Variants in EXOC6B observed in about 807,000 individuals in gnomAD.
EXOC6B encodes the protein SEC15 homolog B.
A neutral mutation model predicts 113.5 loss-of-function variants in EXOC6B; 54 were observed. The observed-to-expected ratio is 0.48, with a 90% CI of 0.38 to 0.60. EXOC6B has a LOEUF of 0.60. Among genes scored for constraint, EXOC6B ranks in the 20% least tolerant of loss-of-function variants. EXOC6B has a pLI of 0.00. For synonymous variants in EXOC6B, 357 were observed against 339.0 expected (o/e 1.05, Z -0.58); for missense variants, 797 against 977.5 (o/e 0.82, Z 2.46).
intron 1 of EXOC6B, among the ~76,000 whole-genome samples, chr2:72,764,233 T>G (rs1222727646): frequency 2.0e-5 from 3 of 152,090 alleles, no homozygotes; most frequent in African/African-American, 7.2e-5. Flanking sequence ...TATACCCCTT[T>G]TAGTTTTTCT....
rs866261786 is a variant in EXOC6B at position 72,236,069 on chromosome 2, C to G, written c.2197-51882G>C. Among the ~76,000 whole-genome samples the G allele has an allele frequency of 2.6e-5, 4 of 152,200 alleles. No individual in the cohort carries two copies. In the South Asian group the frequency reaches 8.3e-4, roughly 32 times the overall value. Reference sequence around the variant, plus strand: ...GATTCCTACTCACATTTTACAGAAACAAAAAGTGATGTCTAGAAGAGTTAA... The same window carrying G: ...GATTCCTACTCACATTTTACAGAAAGAAAAAGTGATGTCTAGAAGAGTTAA... On this transcript the variant is annotated intron_variant, in intron 20 of 21. Coordinates refer to ENST00000272427, the MANE Select transcript of EXOC6B (RefSeq NM_015189.3).
chr2:72,461,410 C>T (rs1427843879), intron 18 of EXOC6B: 1 of 149,418 alleles, frequency 6.7e-6, no homozygotes, highest in East Asian at 2.0e-4. Flanking sequence ...TCTAGGCTTG[C>T]ACTGTACATA....
chr2:72,706,499 G>C (rs1678889417), intron 6 of EXOC6B, among the ~76,000 whole-genome samples: 1 of 152,142 alleles, frequency 6.6e-6, no homozygotes, highest in South Asian at 2.1e-4. Flanking sequence ...AGCCTTCCAA[G>C]TAGCTGGGAC....
Position 72,402,853 on chromosome 2 carries a change from G to T in EXOC6B, c.1981-22983C>A, listed in dbSNP as rs1693430426. 2.0e-5 allele frequency among the ~76,000 whole-genome samples: 3 copies of T among 152,064 alleles called. No individual in the cohort carries two copies. The South Asian group carries it at 6.2e-4, about 32-fold the overall frequency. Reference sequence around the variant, plus strand: ...TGATATTTTCCATTATTTTTGCAAAGACTATATTCCATCATGGATGATCAT... The same window carrying T: ...TGATATTTTCCATTATTTTTGCAAATACTATATTCCATCATGGATGATCAT... On this transcript the variant is annotated intron_variant, in intron 18 of 21. Coordinates refer to ENST00000272427, the MANE Select transcript of EXOC6B (RefSeq NM_015189.3).
At chr2:72,694,236 G>C (rs1677701961) in intron 6 of EXOC6B, among the ~76,000 whole-genome samples, 1 of 152,078 alleles carries the variant, frequency 6.6e-6, no homozygotes, top group Non-Finnish European at 1.5e-5. Context: ...TTGAGGTCAG[G>C]AGCTTGAGAC....
chr2:72,443,307 A>G (rs1372763207), intron 18 of EXOC6B, among the ~76,000 whole-genome samples: 1 of 145,866 alleles, frequency 6.9e-6, no homozygotes, highest in Non-Finnish European at 1.5e-5. Flanking sequence ...TGGGTGACAG[A>G]GCGAGATTCT....
intron 18 of EXOC6B, among the ~76,000 whole-genome samples, chr2:72,459,855 C>T (rs943097516): frequency 1.3e-4 from 20 of 152,126 alleles, no homozygotes; most frequent in Non-Finnish European, 2.4e-4. Flanking sequence ...GAAAAAACTA[C>T]TGTAAAGTTC....
chr2:72,657,225 C>CTTTT (rs70963135), intron 6 of EXOC6B, among the ~76,000 whole-genome samples: 8 of 120,078 alleles, frequency 6.7e-5, no homozygotes, highest in Non-Finnish European at 1.3e-4. Context: ...CCACAACTGT[C>CTTTT]TTTTTTTTTT....
At chr2:72,715,132 C>G (rs1379754755) in intron 6 of EXOC6B, among the ~76,000 whole-genome samples, 1 of 151,932 alleles carries the variant, frequency 6.6e-6, no homozygotes, top group Non-Finnish European at 1.5e-5. Flanking sequence ...GAGGCTGAGG[C>G]AGGAGAATCA....
intron 18 of EXOC6B, among the ~76,000 whole-genome samples, chr2:72,449,232 G>T (rs2105355530): frequency 6.6e-6 from 1 of 152,122 alleles, no homozygotes; most frequent in South Asian, 2.1e-4. Context: ...GCCCAGGCTG[G>T]AGTGCAGTGG....
intron 6 of EXOC6B, among the ~76,000 whole-genome samples, chr2:72,642,216 C>T (rs1321621846): frequency 6.6e-6 from 1 of 150,810 alleles, no homozygotes; most frequent in Non-Finnish European, 1.5e-5. Context: ...TCAATGCCAT[C>T]CCCATCAAGC....
rs541739990 is a variant in EXOC6B at position 72,672,370 on chromosome 2, C to CG, written c.669+45732dup. ...ATATGGCCAGGTGCAGTGGCTCACG[C>CG]GTGTAATCCTAGCACCTTGGGAGGC... On this transcript the variant is annotated intron_variant, in intron 6 of 21. Transcript: ENST00000272427. 1.7e-4 allele frequency among the ~76,000 whole-genome samples: 26 copies of CG among 151,698 alleles called. No individual in the cohort carries two copies. In the East Asian group the frequency reaches 4.9e-3, roughly 28 times the overall value.
chr2:72,506,283 G>T (rs1449664797), intron 11 of EXOC6B, among the ~76,000 whole-genome samples: 1 of 152,062 alleles, frequency 6.6e-6, no homozygotes, highest in African/African-American at 2.4e-5. Context: ...AGATAAAACT[G>T]CCTAGATAGG....
chr2:72,732,179 C>T (rs1573707292), intron 3 of EXOC6B, among the ~76,000 whole-genome samples: 1 of 151,196 alleles, frequency 6.6e-6, no homozygotes, highest in East Asian at 1.9e-4. Flanking sequence ...ATGGGGTCTC[C>T]CTTTGTCACC....
intron 16 of EXOC6B, among the ~76,000 whole-genome samples, chr2:72,481,084 G>A (rs1417587671): frequency 1.3e-5 from 2 of 152,134 alleles, no homozygotes; most frequent in Non-Finnish European, 2.9e-5. Flanking sequence ...TCACAGATTT[G>A]ATGGTTTTAT....
At chr2:72,404,167 C>T (rs570616711) in intron 18 of EXOC6B, among the ~76,000 whole-genome samples, 2 of 152,236 alleles carry the variant, frequency 1.3e-5, no homozygotes, top group African/African-American at 4.8e-5. Flanking sequence ...GGGGGAGGGG[C>T]GCCCACCATT....
chr2:72,335,006 C>T lies in EXOC6B; in HGVS notation c.2137G>A (p.Gly713Ser), dbSNP rs1239201575. Reference sequence around the variant, plus strand: ...TCCTCCTGGAACCCAGGCACCGGGCCGGATCTGGCAAACTCTGTGGGAAAG... The same window carrying T: ...TCCTCCTGGAACCCAGGCACCGGGCTGGATCTGGCAAACTCTGTGGGAAAG... Reference protein sequence around the residue: ...VRECEQFARSGPVPGFQEDTL... With the variant: ...VRECEQFARSSPVPGFQEDTL... Residue 713 changes from glycine to serine, a missense_variant, in exon 20 of 22, where the codon GGC becomes AGC. Coordinates refer to ENST00000272427, the MANE Select transcript of EXOC6B (RefSeq NM_015189.3). 3.5e-5 allele frequency: 56 copies of T among 1,613,156 alleles called. No individual in the cohort carries two copies. The highest frequency in any genetic ancestry group is 4.5e-5 in the East Asian group (2 of 44,862).
intron 1 of EXOC6B, among the ~76,000 whole-genome samples, chr2:72,754,770 C>T (rs1164390669): frequency 6.6e-6 from 1 of 151,484 alleles, no homozygotes; most frequent in Non-Finnish European, 1.5e-5. Flanking sequence ...TGCACCAACA[C>T]AAGCAGCTAA....
chr2:72,270,804 G>A (rs960371841), intron 20 of EXOC6B, among the ~76,000 whole-genome samples: 5 of 151,960 alleles, frequency 3.3e-5, no homozygotes, highest in African/African-American at 1.2e-4. Flanking sequence ...AAATTATGAT[G>A]ATCAGAAAAT....
Sources: gnomAD v4.1 joint callset for allele counts (sites outside exome capture counted in the v4.1 genomes callset) on GRCh38, gnomAD v4.1.1 for gene constraint, MANE v1.5 for transcripts, NCBI Gene and HGNC (gene_info 2026-07-23, HGNC 2026-07-21) for gene names.